The following ZCCHC8 variants were observed in gnomAD, a reference collection of about 807,000 sequenced individuals.
ZCCHC8 encodes zinc finger CCHC-type containing 8, also known as zinc finger CCHC domain-containing protein 8.
Under a neutral mutation model 70.6 loss-of-function variants are expected in ZCCHC8, and 27 were observed. The observed-to-expected ratio is 0.38, with a 90% CI of 0.28 to 0.53. ZCCHC8 has a LOEUF of 0.53. Ranked by LOEUF, ZCCHC8 falls within the 20% of genes least tolerant of loss-of-function variation. The pLI, the probability that ZCCHC8 is intolerant of heterozygous loss-of-function variation, is 0.81. For missense variants in ZCCHC8, 737 were observed against 876.9 expected (o/e 0.84, Z 2.01); for synonymous variants, 293 against 317.4 (o/e 0.92, Z 0.82).
At chr12:122,481,475 A>AG in intron 10 of ZCCHC8, 47 bp downstream of exon 10, 1 of 1,508,858 alleles carries the variant, frequency 6.6e-7, no homozygotes. Context: ...TAATTAAAAA[A>AG]AAAAAGGAAA....
At chr12:122,482,547 T>G in intron 8 of ZCCHC8, 88 bp downstream of exon 8, 1 of 939,000 alleles carries the variant, frequency 1.1e-6, no homozygotes, top group Non-Finnish European at 1.5e-6. Flanking sequence ...ACAAAGAAAG[T>G]TCCTTCATGT....
chr12:122,479,267 G>A (rs1469422828), intron 11 of ZCCHC8, among the ~76,000 whole-genome samples: 1 of 152,294 alleles, frequency 6.6e-6, no homozygotes, highest in Middle Eastern at 3.4e-3. Flanking sequence ...GTAGAGATAG[G>A]ATTTTGCCAT....
chr12:122,480,041 G>T, intron 11 of ZCCHC8, 149 bp downstream of exon 11: 3 of 676,902 alleles, frequency 4.4e-6, no homozygotes, highest in South Asian at 2.1e-5. Flanking sequence ...CGAACTCTGG[G>T]ACTCAAGTGA....
At chr12:122,476,176 C>T (rs891426246) in intron 13 of ZCCHC8, among the ~76,000 whole-genome samples, 5 of 152,184 alleles carry the variant, frequency 3.3e-5, no homozygotes, top group African/African-American at 9.7e-5. Flanking sequence ...TCTGCAATCC[C>T]GAGGTGACAG....
chr12:122,499,061 G>C (rs973119044), intron 1 of ZCCHC8, 192 bp from the exon 2 acceptor site: 1 of 604,610 alleles, frequency 1.7e-6, no homozygotes, highest in African/African-American at 1.9e-5. Flanking sequence ...TTAAAGTACG[G>C]TTTTTATCCT....
intron 5 of ZCCHC8, among the ~76,000 whole-genome samples, chr12:122,486,689 C>T (rs1338103706): frequency 6.6e-6 from 1 of 151,976 alleles, no homozygotes; most frequent in Non-Finnish European, 1.5e-5. Flanking sequence ...CCTGCCTCAG[C>T]CCCCTGAGTA....
Position 122,473,874 on chromosome 12 carries a change from C to G in ZCCHC8, c.1747G>C (p.Val583Leu), listed in dbSNP as rs1396091865. The G allele has an allele frequency of 5.0e-6, 8 of 1,613,838 alleles. No homozygotes were observed. Among genetic ancestry groups the G allele is most frequent in the Non-Finnish European group, 5.9e-6 (7 of 1,179,902 alleles). The change falls in exon 14 of 14, where the codon GTA (valine) becomes CTA (leucine). Residue 583 changes from valine (V) to leucine (L), a missense_variant. Transcript: ENST00000633063. Reference sequence around the variant, plus strand: ...GATTTCTTTGTAAAAATCTCTGGTACCTCAGGCTCATCCAGCGTCTGCTTT... The same window carrying G: ...GATTTCTTTGTAAAAATCTCTGGTAGCTCAGGCTCATCCAGCGTCTGCTTT... ...SEKQTLDEPE[V>L]PEIFTKKSEA...
In ZCCHC8 at chr12:122,483,870, T is replaced by C. The variant is rs1282835707; in HGVS notation, c.502-307A>G. The C allele has an allele frequency of 1.6e-5, 4 of 253,560 alleles. No individual in the cohort carries two copies. The East Asian group carries it at 3.8e-4, about 24-fold the overall frequency. The allele number at this position is 253,560 out of a possible 1,614,324, so 15.7% of individuals were successfully genotyped here. A position where few individuals can be genotyped will look rare whatever the true frequency, so the allele number is the denominator to read the frequency against. ...TCCCTCCAATGCCCCATTTCATTGC[T>C]TCTCTTTGCAAGACATGCAGACCCT... is the stretch of plus-strand genomic sequence containing the variant. On this transcript the variant is annotated intron_variant, in intron 5 of 13. Coordinates refer to ENST00000633063, the MANE Select transcript of ZCCHC8 (RefSeq NM_017612.5). The surrounding 1 kb of genome is among the most constrained non-coding windows in gnomAD (Gnocchi z 4.4).
chr12:122,487,296 T>C (rs148101459), intron 5 of ZCCHC8, among the ~76,000 whole-genome samples: 1 of 152,378 alleles, frequency 6.6e-6, no homozygotes, highest in African/African-American at 2.4e-5. Flanking sequence ...GAAGGATCCC[T>C]GGGACAAAAC....
chr12:122,492,411 G>A (rs1241434407), intron 3 of ZCCHC8, among the ~76,000 whole-genome samples: 4 of 152,136 alleles, frequency 2.6e-5, no homozygotes, highest in Admixed American at 1.3e-4. Flanking sequence ...TCTTAGAGGT[G>A]CTCATGTAGC....
rs542020110 is a variant in ZCCHC8, at chr12:122,482,026, G to C, written c.794C>G (p.Ala265Gly). The C allele has an allele frequency of 3.7e-6, 6 of 1,612,908 alleles. No individual in the cohort carries two copies. In the East Asian group the frequency reaches 1.3e-4, roughly 36 times the overall value. ...RKEYMDACGEANNQNFQQRYH... is the reference protein window; with the variant it reads ...RKEYMDACGEGNNQNFQQRYH... ...TCGCTGCTGGAAATTCTGATTGTTT[G>C]CTTCTCCACAGGCATCCATATACTC... Residue 265 changes from alanine (A) to glycine (G), a missense_variant, in exon 9 of 14, where the codon GCA (alanine) becomes GGA (glycine). Ala to Gly is a moderately conservative substitution (Grantham distance 60, BLOSUM62 0). Transcript: ENST00000633063.
At chr12:122,479,372 G>A (rs111709722) in intron 11 of ZCCHC8, among the ~76,000 whole-genome samples, 6,246 of 152,180 alleles carry the variant, frequency 0.041, 387 homozygotes, top group African/African-American at 0.14. Context: ...CCACTGCGCC[G>A]GCCAAGAATA....
In ZCCHC8 at chr12:122,474,191, C is replaced by CG; in HGVS notation, c.1429dup (p.Arg477ProfsTer23). ...GGTGAAGACGGGTGGAGGAGTTCCCCGGGGGAGTGGAGGAGTGTCAGGAGG... is the reference window on the plus strand; with the variant it reads ...GGTGAAGACGGGTGGAGGAGTTCCCCGGGGGGAGTGGAGGAGTGTCAGGAGG... On this transcript the variant is annotated frameshift_variant, in exon 14 of 14. Transcript: ENST00000633063. LOFTEE classifies it low-confidence loss of function (END_TRUNC). The CG allele has an allele frequency of 3.3e-6, 5 of 1,510,568 alleles. No homozygotes were observed. Among genetic ancestry groups the CG allele is most frequent in the Non-Finnish European group, 4.4e-6 (5 of 1,138,496 alleles). The allele number at this position is 1,510,568 out of a possible 1,614,324, so 93.6% of individuals were successfully genotyped here. A position where few individuals can be genotyped will look rare whatever the true frequency, so the allele number is the denominator to read the frequency against.
At chr12:122,498,753 GA>G in intron 2 of ZCCHC8, 73 bp downstream of exon 2, 1 of 1,442,824 alleles carries the variant, frequency 6.9e-7, no homozygotes, top group Non-Finnish European at 9.6e-7. Flanking sequence ...TTTTTACAAC[GA>G]AATTCTGATT....
In ZCCHC8 at chr12:122,500,795, A is replaced by G. The variant is rs1957915650; in HGVS notation, c.46T>C (p.Phe16Leu). 1 of 1,584,418 alleles carries G rather than the reference A, an allele frequency of 6.3e-7. No individual in the cohort carries two copies. Among genetic ancestry groups the G allele is most frequent in the Non-Finnish European group, 8.6e-7 (1 of 1,166,254 alleles). Residue 16 changes from phenylalanine to leucine, a missense_variant, in exon 1 of 14, where the codon TTC becomes CTC. Phe to Leu is a conservative substitution (Grantham distance 22). Transcript: ENST00000633063. The surrounding 1 kb of genome is among the most constrained non-coding windows in gnomAD (Gnocchi z 4.8). The stretch of plus-strand genomic sequence containing the variant: ...GGAATCGACTCCTCTGGGTGGTCGA[A>G]CGGCTCGAAGAGCTCTAGATCGCCA... Reference protein sequence around the residue: ...YFGDLELFEPFDHPEESIPKP... With the variant: ...YFGDLELFEPLDHPEESIPKP...
At chr12:122,494,547 G>A (rs1385465005) in intron 2 of ZCCHC8, among the ~76,000 whole-genome samples, 3 of 134,778 alleles carry the variant, frequency 2.2e-5, no homozygotes, top group African/African-American at 8.5e-5. Context: ...GCAACACAGC[G>A]AGACTCTGTT....
intron 2 of ZCCHC8, 43 bp from the exon 3 acceptor site, chr12:122,492,832 A>C: frequency 7.6e-7 from 1 of 1,315,612 alleles, no homozygotes; most frequent in Non-Finnish European, 1.1e-6. Flanking sequence ...ATATTTAAGT[A>C]AAACTTGCAT....
intron 3 of ZCCHC8, among the ~76,000 whole-genome samples, chr12:122,491,828 C>CAA (rs11314331): frequency 5.7e-5 from 7 of 123,660 alleles, no homozygotes; most frequent in African/African-American, 1.8e-4. Context: ...AACTCCATCT[C>CAA]AAAAAAAAAA....
Position 122,474,116 on chromosome 12 carries a change from T to G in ZCCHC8, c.1505A>C (p.Gln502Pro), listed in dbSNP as rs762526701. 32 of 1,512,626 alleles carry G rather than the reference T, an allele frequency of 2.1e-5. No individual in the cohort carries two copies. In the Admixed American group the frequency reaches 7.4e-4, roughly 35 times the overall value. 93.7% of individuals were successfully genotyped at this position (1,512,626 alleles called of 1,614,324 possible). A position where few individuals can be genotyped will look rare whatever the true frequency, so the allele number is the denominator to read the frequency against. The change falls in exon 14 of 14, where the codon CAG (glutamine) becomes CCG (proline). Residue 502 changes from glutamine to proline, a missense_variant. Gln to Pro is a moderately conservative substitution (Grantham distance 76). Transcript: ENST00000633063. The stretch of plus-strand genomic sequence containing the variant: ...CACAGCTCCAGATGCTGTTCTGGTC[T>G]GGGGTGAGTCACTGGGAGTCAGCGG... The part of the protein sequence containing the change: ...TPPLTPSDSP[Q>P]TRTASGAVDE...
Sources: allele counts gnomAD v4.1 joint callset (sites outside exome capture counted in the v4.1 genomes callset), GRCh38; gene constraint gnomAD v4.1.1; non-coding constraint Gnocchi (gnomAD v3.1); transcripts MANE v1.5; gene names NCBI Gene and HGNC (gene_info 2026-07-23, HGNC 2026-07-21).